Variants in UGT2A1 observed in about 807,000 individuals in gnomAD.
UGT2A1 encodes the protein UDP glucuronosyltransferase family 2 member A1 complex locus.
In UGT2A1, 61 loss-of-function variants were observed where a neutral mutation model predicts 45.4. The ratio of observed to expected loss-of-function variants is 1.34; its 90% CI spans 1.09 to 1.66. The LOEUF (loss-of-function observed/expected upper bound fraction) is 1.66. Ranked by LOEUF, UGT2A1 falls within the 40% of genes most tolerant of loss-of-function variation. The pLI, the probability that UGT2A1 is intolerant of heterozygous loss-of-function variation, is 0.00. For missense variants in UGT2A1, 649 were observed against 574.3 expected, an observed-to-expected ratio of 1.13 and a Z score of -1.33; for synonymous variants, 229 against 196.2, an observed-to-expected ratio of 1.17 and a Z score of -1.40.
At chr4:69,621,138 A>C (rs1385145296) in intron 3 of UGT2A1, among the ~76,000 whole-genome samples, 1 of 152,076 alleles carries the variant, frequency 6.6e-6, no homozygotes, top group African/African-American at 2.4e-5. Flanking sequence ...ACAAAAGCAA[A>C]ATTTGACAAA....
chr4:69,635,537 T>A (rs1721627786), intron 3 of UGT2A1, among the ~76,000 whole-genome samples, 154 bp downstream of exon 3: 1 of 151,986 alleles, frequency 6.6e-6, no homozygotes, highest in Non-Finnish European at 1.5e-5. Context: ...GAGGAAGAAA[T>A]AAAGTTCAGA....
chr4:69,590,559 G>A (rs560304730), intron 6 of UGT2A1, among the ~76,000 whole-genome samples: 57 of 152,054 alleles, frequency 3.7e-4, no homozygotes, highest in African/African-American at 1.3e-3. Context: ...TTAGGACTGG[G>A]GAATGGGGAA....
At chr4:69,625,705 T>A (rs1397817194) in intron 3 of UGT2A1, among the ~76,000 whole-genome samples, 1 of 151,472 alleles carries the variant, frequency 6.6e-6, no homozygotes, top group Non-Finnish European at 1.5e-5. Context: ...AGCACTTATG[T>A]AAATTTAAAA....
chr4:69,627,153 A>G (rs1232456267), intron 3 of UGT2A1, among the ~76,000 whole-genome samples: 1 of 151,934 alleles, frequency 6.6e-6, no homozygotes, highest in Non-Finnish European at 1.5e-5. Context: ...ATTTTCTATT[A>G]TCTATTTCTA....
chr4:69,594,275 A>G (rs1486218165), intron 6 of UGT2A1, among the ~76,000 whole-genome samples: 1 of 152,096 alleles, frequency 6.6e-6, no homozygotes, highest in Non-Finnish European at 1.5e-5. Context: ...CGCCCGGCCA[A>G]TATTTGAAGT....
chr4:69,589,683 C>T (rs760973572), intron 6 of UGT2A1, 32 bp from the exon 7 acceptor site: 2 of 1,564,464 alleles, frequency 1.3e-6, no homozygotes, highest in South Asian at 2.4e-5. Flanking sequence ...AGAAATTAGA[C>T]AATTTTTGTT....
chr4:69,606,777 A>G (rs1577960735), intron 3 of UGT2A1, among the ~76,000 whole-genome samples: 1 of 136,836 alleles, frequency 7.3e-6, no homozygotes, highest in Non-Finnish European at 1.6e-5. Flanking sequence ...ATACACCAAT[A>G]ACAGACAAAC....
chr4:69,637,477 C>T (rs1186475063), intron 2 of UGT2A1, among the ~76,000 whole-genome samples: 1 of 152,042 alleles, frequency 6.6e-6, no homozygotes. Flanking sequence ...ATGTGTATGG[C>T]TTGCCACAGG....
intron 3 of UGT2A1, among the ~76,000 whole-genome samples, chr4:69,603,386 G>T (rs1719410991): frequency 7.3e-6 from 1 of 136,688 alleles, no homozygotes; most frequent in Non-Finnish European, 1.6e-5. Flanking sequence ...AAATAGTGAT[G>T]GGACAGCTCC....
At chr4:69,622,116 T>G (rs1232860267) in intron 3 of UGT2A1, among the ~76,000 whole-genome samples, 1 of 151,908 alleles carries the variant, frequency 6.6e-6, no homozygotes, top group African/African-American at 2.4e-5. Flanking sequence ...TGTACCACAT[T>G]ACCTGTGTAA....
intron 3 of UGT2A1, among the ~76,000 whole-genome samples, chr4:69,631,709 G>A (rs867235508): frequency 2.6e-5 from 4 of 152,100 alleles, no homozygotes; most frequent in African/African-American, 9.7e-5. Context: ...CTGACAACCT[G>A]AAAAAGAGAA....
At chr4:69,597,502 G>A (rs968317877) in intron 4 of UGT2A1, among the ~76,000 whole-genome samples, 1 of 152,070 alleles carries the variant, frequency 6.6e-6, no homozygotes, top group African/African-American at 2.4e-5. Context: ...GATGTATCCT[G>A]CATTCCCTGT....
intron 1 of UGT2A1, among the ~76,000 whole-genome samples, chr4:69,652,768 C>A (rs564570355): frequency 6.6e-6 from 1 of 152,082 alleles, no homozygotes; most frequent in Non-Finnish European, 1.5e-5. Context: ...GTCTTAAGGA[C>A]CACAGTGGTC....
At chr4:69,649,570 C>T (rs1722428939) in intron 1 of UGT2A1, among the ~76,000 whole-genome samples, 1 of 151,982 alleles carries the variant, frequency 6.6e-6, no homozygotes, top group African/African-American at 2.4e-5. Flanking sequence ...GAACAAGGTC[C>T]GTTGGTAAAA....
At chr4:69,630,692 T>C (rs1289360610) in intron 3 of UGT2A1, among the ~76,000 whole-genome samples, 1 of 152,172 alleles carries the variant, frequency 6.6e-6, no homozygotes, top group Non-Finnish European at 1.5e-5. Context: ...CCATTTATTA[T>C]AGCCAAGATG....
intron 3 of UGT2A1, among the ~76,000 whole-genome samples, chr4:69,605,497 T>C (rs28759827): frequency 0.26 from 34,882 of 134,302 alleles, 9,814 homozygotes; most frequent in East Asian, 0.68. Context: ...CACCCCAACA[T>C]CACAATTGAA....
chr4:69,595,172 A>G lies in UGT2A1; in HGVS notation c.1074T>C (p.Asn358=), dbSNP rs770409123. The G allele has an allele frequency of 2.5e-6, 4 of 1,613,734 alleles. No individual in the cohort carries two copies. The highest frequency in any genetic ancestry group is 3.3e-5 in the Admixed American group (2 of 59,978). The change falls in exon 5 of 7, where the codon AAT becomes AAC. Residue 358 remains asparagine, a synonymous_variant. Coordinates refer to ENST00000286604, the MANE Select transcript of UGT2A1 (RefSeq NM_001252275.3). Reference sequence around the variant, plus strand: ...TCCCCACAGTCTTACCAAGAAGATCATTCTGGGGTATCCAATCAAAGAGCT... The same window carrying G: ...TCCCCACAGTCTTACCAAGAAGATCGTTCTGGGGTATCCAATCAAAGAGCT... ...NTQLFDWIPQ[N]DLLGHPKTKA...
At chr4:69,634,227 A>C (rs1721553536) in intron 3 of UGT2A1, among the ~76,000 whole-genome samples, 1 of 151,748 alleles carries the variant, frequency 6.6e-6, no homozygotes, top group Admixed American at 6.6e-5. Flanking sequence ...CCTGAGCGAC[A>C]GAGCGAGACT....
intron 2 of UGT2A1, among the ~76,000 whole-genome samples, chr4:69,646,149 C>G (rs1722250176): frequency 6.6e-6 from 1 of 151,638 alleles, no homozygotes; most frequent in South Asian, 2.1e-4. Flanking sequence ...AATCCATGGA[C>G]TTTATTTTAG....
Sources: allele counts gnomAD v4.1 joint callset (sites outside exome capture counted in the v4.1 genomes callset), GRCh38; gene constraint gnomAD v4.1.1; transcripts MANE v1.5; gene names NCBI Gene and HGNC (gene_info 2026-07-23, HGNC 2026-07-21).